The following ALG13 variants were observed in gnomAD, a reference collection of about 807,000 sequenced individuals.
The protein encoded by ALG13 is UDP-N-acetylglucosamine transferase subunit ALG13.
In ALG13, 11 loss-of-function variants were observed where a neutral mutation model predicts 87.8. That is an observed-to-expected ratio of 0.13 (90% confidence interval 0.08 to 0.21). The LOEUF (loss-of-function observed/expected upper bound fraction) is 0.21, where lower values mean the gene tolerates loss of function less well. Among genes scored for constraint, ALG13 ranks in the 10% least tolerant of loss-of-function variants. ALG13 has a pLI of 1.00. For synonymous variants in ALG13, 320 were observed against 306.3 expected, an observed-to-expected ratio of 1.04 and a Z score of -0.47; for missense variants, 756 against 866.1, an observed-to-expected ratio of 0.87 and a Z score of 1.60.
chrX:111,757,254 A>G (rs919032691), intron 25 of ALG13: 8 of 163,361 alleles, frequency 4.9e-5, no homozygotes, highest in Non-Finnish European at 9.2e-5. Flanking sequence ...TTACGGGTAT[A>G]TAATTTATCC....
intron 21 of ALG13, among the ~76,000 whole-genome samples, chrX:111,731,854 C>T (rs1348676745): frequency 9.0e-6 from 1 of 111,660 alleles, no homozygotes; most frequent in Admixed American, 9.5e-5. Context: ...GATGGAAGAG[C>T]CATGCATTTT....
intron 12 of ALG13, 130 bp downstream of exon 12, chrX:111,721,841 A>G (rs1941431732): frequency 2.3e-6 from 1 of 427,417 alleles, no homozygotes; most frequent in East Asian, 4.0e-5. Context: ...ATCTTACTTT[A>G]TATATGATTT....
intron 8 of ALG13, among the ~76,000 whole-genome samples, chrX:111,717,543 T>A (rs1322826356): frequency 9.9e-6 from 1 of 100,919 alleles, no homozygotes. Flanking sequence ...AAGTGTTCCT[T>A]TTTTTTTTTT....
chrX:111,743,605 C>T lies in ALG13; in HGVS notation c.2696-1063C>T, dbSNP rs1219958874. 4.5e-5 allele frequency among the ~76,000 whole-genome samples: 5 copies of T among 111,364 alleles called. No individual in the cohort carries two copies. The East Asian group carries it at 1.1e-3, about 25-fold the overall frequency. The stretch of plus-strand genomic sequence containing the variant: ...CTATTACTGTTAGCCTGTAAATGTA[C>T]AAAAGATAAGATGAGTATATTGTTA... On this transcript the variant is annotated intron_variant, in intron 23 of 26. Coordinates refer to ENST00000394780, the MANE Select transcript of ALG13 (RefSeq NM_001099922.3).
intron 8 of ALG13, among the ~76,000 whole-genome samples, chrX:111,715,286 T>G (rs1406390174): frequency 8.9e-6 from 1 of 112,095 alleles, no homozygotes; most frequent in Non-Finnish European, 1.9e-5. Flanking sequence ...TATATATGTC[T>G]GATTTGGGAA....
intron 3 of ALG13, chrX:111,689,285 G>C (rs1935693242): frequency 5.3e-6 from 4 of 749,110 alleles, no homozygotes; most frequent in Non-Finnish European, 6.3e-6. Flanking sequence ...TCAAATCCAG[G>C]GAGAGAATCT....
intron 12 of ALG13, 59 bp downstream of exon 12, chrX:111,721,770 C>A: frequency 2.7e-6 from 2 of 732,525 alleles, no homozygotes; most frequent in Non-Finnish European, 2.1e-6. Context: ...TATAATTTTG[C>A]AAATTATGGT....
At chrX:111,722,644 G>A (rs1315766683) in intron 12 of ALG13, 149 bp from the exon 13 acceptor site, 2 of 424,042 alleles carry the variant, frequency 4.7e-6, no homozygotes, top group African/African-American at 5.2e-5. Flanking sequence ...CATCCAGAAT[G>A]ATAGAATCGC....
intron 11 of ALG13, 137 bp downstream of exon 11, chrX:111,720,307 T>TA (rs755538195): frequency 1.9e-5 from 7 of 363,493 alleles, no homozygotes; most frequent in Admixed American, 1.5e-4. Context: ...GTGAAAGTCT[T>TA]ACCTATCTTT....
intron 12 of ALG13, among the ~76,000 whole-genome samples, chrX:111,722,341 G>A (rs186364813): frequency 2.2e-3 from 243 of 111,404 alleles, no homozygotes; most frequent in African/African-American, 7.7e-3. Flanking sequence ...GATCAACCTA[G>A]GCCTTAAAGT....
chrX:111,730,774 G>A (rs1942595923), intron 21 of ALG13, among the ~76,000 whole-genome samples, 194 bp downstream of exon 21: 1 of 112,065 alleles, frequency 8.9e-6, no homozygotes. Flanking sequence ...TCTAACATAG[G>A]CAGTAATGAT....
chrX:111,750,385 A>G (rs1051858812), intron 24 of ALG13, among the ~76,000 whole-genome samples: 2 of 111,861 alleles, frequency 1.8e-5, no homozygotes, highest in South Asian at 3.7e-4. Context: ...ATGTTGTTGC[A>G]TGTATCAGTA....
At chrX:111,700,567 T>G (rs989679097) in intron 3 of ALG13, among the ~76,000 whole-genome samples, 1 of 102,321 alleles carries the variant, frequency 9.8e-6, no homozygotes, top group African/African-American at 3.6e-5. Flanking sequence ...TGAGAGGTGT[T>G]TTTTTTTGTT....
chrX:111,725,275 C>A (rs754031682), intron 15 of ALG13, among the ~76,000 whole-genome samples: 1 of 111,997 alleles, frequency 8.9e-6, no homozygotes, highest in Non-Finnish European at 1.9e-5. Flanking sequence ...TGGCTTCTAT[C>A]CACTAGAAAC....
chrX:111,724,011 C>T, intron 14 of ALG13, 113 bp downstream of exon 14: 1 of 474,637 alleles, frequency 2.1e-6, no homozygotes, highest in Non-Finnish European at 3.5e-6. Flanking sequence ...ATTGTATCTA[C>T]TGTTGGCCTA....
In ALG13 at chrX:111,725,054, G is replaced by A. The variant is rs775282491; in HGVS notation, c.1722G>A (p.Pro574=). 1.1e-5 allele frequency: 13 copies of A among 1,208,311 alleles called. No homozygotes were observed. Among genetic ancestry groups the A allele is most frequent in the East Asian group, 3.0e-5 (1 of 33,681 alleles). The change falls in exon 15 of 27, where the codon CCG becomes CCA. Residue 574 remains proline (P), a synonymous_variant. Transcript: ENST00000394780. ...GYQKMPGGYV[P]EIVISEMDIK... ...AGAAAATGCCTGGGGGTTATGTCCC[G>A]GAAATAGGTTTGTATGCTAAAGGTT...
intron 25 of ALG13, among the ~76,000 whole-genome samples, chrX:111,754,768 TAA>T (rs1945088729): frequency 9.0e-6 from 1 of 111,539 alleles, no homozygotes; most frequent in Non-Finnish European, 1.9e-5. Flanking sequence ...CTCAATGATA[TAA>T]GAGAGGACAC....
chrX:111,757,157 T>C (rs1366884520), intron 25 of ALG13: 1 of 114,884 alleles, frequency 8.7e-6, no homozygotes, highest in Non-Finnish European at 1.8e-5. Context: ...TGGATTATGC[T>C]GTATAATTTT....
chrX:111,738,686 C>T (rs1943465482), intron 23 of ALG13, among the ~76,000 whole-genome samples: 2 of 110,397 alleles, frequency 1.8e-5, no homozygotes, highest in Non-Finnish European at 1.9e-5. Flanking sequence ...TATAGGCACA[C>T]GCCACCACAC....
Sources: allele counts gnomAD v4.1 joint callset (sites outside exome capture counted in the v4.1 genomes callset), GRCh38; gene constraint gnomAD v4.1.1; transcripts MANE v1.5; gene names NCBI Gene and HGNC (gene_info 2026-07-23, HGNC 2026-07-21).